PRR16: variants seen among roughly 807,000 people sequenced by gnomAD.
PRR16 encodes protein Largen.
Under a neutral mutation model 18.2 loss-of-function variants are expected in PRR16, and 6 were observed. The observed-to-expected ratio is 0.33, with a 90% CI of 0.18 to 0.65. The LOEUF (loss-of-function observed/expected upper bound fraction) is 0.65. Ranked by LOEUF, PRR16 falls within the 30% of genes least tolerant of loss-of-function variation. The pLI, the probability that PRR16 is intolerant of heterozygous loss-of-function variation, is 0.74. For missense variants in PRR16, 412 were observed against 376.6 expected (o/e 1.09, Z -0.78); for synonymous variants, 151 against 147.8 (o/e 1.02, Z -0.16).
chr5:120,746,702 T>G, the PRR16 span, among the ~76,000 whole-genome samples: 6 of 151,908 alleles, frequency 3.9e-5, no homozygotes, highest in South Asian at 2.1e-4. Context: ...ACAGTGGTAT[T>G]TTTTTTTCAA....
At chr5:120,709,565 C>T in the PRR16 span, among the ~76,000 whole-genome samples, 2 of 151,930 alleles carry the variant, frequency 1.3e-5, no homozygotes, top group Non-Finnish European at 2.9e-5. Context: ...CTTAGTCTAC[C>T]AAACACTAGA....
At chr5:120,699,098 A>G in the PRR16 span, among the ~76,000 whole-genome samples, 1 of 152,008 alleles carries the variant, frequency 6.6e-6, no homozygotes, top group Middle Eastern at 3.4e-3. Flanking sequence ...GAGTAAAGCT[A>G]ATCTGCCAGT....
the PRR16 span, among the ~76,000 whole-genome samples, chr5:120,769,999 GTCT>G: frequency 6.6e-6 from 1 of 151,780 alleles, no homozygotes; most frequent in Non-Finnish European, 1.5e-5. Flanking sequence ...TCACTTGTAT[GTCT>G]TCTTTGAAAA....
Position 120,584,611 on chromosome 5 carries a change from A to C in PRR16, c.160-101343A>C, listed in dbSNP as rs1188952490. ...ATTTGTTCTTAAATCATTTTTTTAG[A>C]TAGGCACAGAGAGTAGATTATCTGC... On this transcript the variant is annotated intron_variant, in intron 1 of 1. Transcript: ENST00000407149. Among the ~76,000 whole-genome samples the C allele has an allele frequency of 2.6e-5, 4 of 152,192 alleles. No homozygotes were observed. The East Asian group carries it at 7.7e-4, about 29-fold the overall frequency.
chr5:120,627,554 C>G (rs146046793), intron 1 of PRR16, among the ~76,000 whole-genome samples: 1 of 152,140 alleles, frequency 6.6e-6, no homozygotes, highest in African/African-American at 2.4e-5. Flanking sequence ...CCTACACATA[C>G]ACAACATATT....
intron 1 of PRR16, among the ~76,000 whole-genome samples, chr5:120,513,180 T>C (rs1750883912): frequency 6.6e-6 from 1 of 152,172 alleles, no homozygotes; most frequent in African/African-American, 2.4e-5. Flanking sequence ...TGCATTCCTA[T>C]CTATGCCTAA....
At chr5:120,685,527 C>T (rs1190701200) in intron 1 of PRR16, among the ~76,000 whole-genome samples, 1 of 151,992 alleles carries the variant, frequency 6.6e-6, no homozygotes, top group Admixed American at 6.5e-5. Flanking sequence ...CTGTTGGTCT[C>T]AAGAAAATTA....
chr5:120,483,249 CACAGATTACCTGTGCAT>C (rs1469870091), intron 1 of PRR16, among the ~76,000 whole-genome samples: 3 of 152,038 alleles, frequency 2.0e-5, no homozygotes, highest in Non-Finnish European at 4.4e-5. Context: ...TTGTAAATGA[CACAGATTACCTGTGCAT>C]ACAGAACTGT....
chr5:120,475,563 C>A (rs1428534513), intron 1 of PRR16, among the ~76,000 whole-genome samples: 1 of 151,878 alleles, frequency 6.6e-6, no homozygotes, highest in Non-Finnish European at 1.5e-5. Context: ...CAGAGCAAGA[C>A]CCTGTTTCTA....
chr5:120,769,160 C>T, the PRR16 span, among the ~76,000 whole-genome samples: 2 of 151,316 alleles, frequency 1.3e-5, no homozygotes, highest in South Asian at 4.2e-4. Flanking sequence ...CTTTAGTCCT[C>T]GGAACAACAC....
At chr5:120,485,648 A>AT (rs576761437) in intron 1 of PRR16, among the ~76,000 whole-genome samples, 84 of 149,640 alleles carry the variant, frequency 5.6e-4, no homozygotes, top group Admixed American at 1.2e-3. Context: ...AGATTTAGTT[A>AT]TTTTTTTTTT....
chr5:120,718,689 C>T, the PRR16 span, among the ~76,000 whole-genome samples: 1 of 152,102 alleles, frequency 6.6e-6, no homozygotes, highest in Non-Finnish European at 1.5e-5. Flanking sequence ...AAAGCCATCA[C>T]TCATCCATGG....
chr5:120,763,344 C>T, the PRR16 span, among the ~76,000 whole-genome samples: 32 of 152,080 alleles, frequency 2.1e-4, no homozygotes, highest in Admixed American at 7.9e-4. Context: ...GATGAGGTTT[C>T]GCCATGTTGG....
intron 1 of PRR16, among the ~76,000 whole-genome samples, chr5:120,509,169 CAT>C (rs1420790730): frequency 1.3e-5 from 2 of 152,160 alleles, no homozygotes; most frequent in East Asian, 1.9e-4. Context: ...TTTATGTACA[CAT>C]GTGTTTTGTG....
chr5:120,686,781 T>C lies in PRR16; in HGVS notation c.*72T>C. On this transcript the variant is annotated 3_prime_UTR_variant, in exon 2 of 2. Coordinates refer to ENST00000407149, the MANE Select transcript of PRR16 (RefSeq NM_001300783.2). ...CATAAAATAAGTAATGAGCACTTTC[T>C]ACTCAAGCAATAAAAAGCCCAAATA... is the stretch of plus-strand genomic sequence containing the variant. 1 of 1,234,084 alleles carries C rather than the reference T, an allele frequency of 8.1e-7. No individual in the cohort carries two copies. The highest frequency in any genetic ancestry group is 2.3e-5 in the South Asian group (1 of 43,424). The allele number at this position is 1,234,084 out of a possible 1,614,324, so 76.4% of individuals were successfully genotyped here.
At chr5:120,716,566 G>A in the PRR16 span, among the ~76,000 whole-genome samples, 7 of 152,228 alleles carry the variant, frequency 4.6e-5, no homozygotes, top group East Asian at 1.4e-3. Flanking sequence ...TCCTGAAATG[G>A]ATGCAAGGCT....
chr5:120,566,520 TCCCACAA>T (rs1011119619), intron 1 of PRR16, among the ~76,000 whole-genome samples: 1 of 152,218 alleles, frequency 6.6e-6, no homozygotes, highest in African/African-American at 2.4e-5. Flanking sequence ...AATTTATTGG[TCCCACAA>T]CTCTTTAGTA....
chr5:120,660,034 T>A (rs148184144), intron 1 of PRR16, among the ~76,000 whole-genome samples: 1 of 152,178 alleles, frequency 6.6e-6, no homozygotes, highest in East Asian at 1.9e-4. Context: ...TGGCTTAGAT[T>A]GCTCCATCCA....
chr5:120,626,991 T>C (rs552922004), intron 1 of PRR16, among the ~76,000 whole-genome samples: 1 of 152,250 alleles, frequency 6.6e-6, no homozygotes, highest in African/African-American at 2.4e-5. Context: ...GTTATTATAT[T>C]TATATATAAA....
Sources: gnomAD v4.1 joint callset for allele counts (sites outside exome capture counted in the v4.1 genomes callset) on GRCh38, gnomAD v4.1.1 for gene constraint, MANE v1.5 for transcripts, NCBI Gene and HGNC (gene_info 2026-07-23, HGNC 2026-07-21) for gene names.